Variants in PTPRN2 observed in about 807,000 individuals in gnomAD.
The protein encoded by PTPRN2 is protein tyrosine phosphatase receptor type N2.
PTPRN2 carries 74 observed loss-of-function variants against 118.8 expected under a neutral mutation model. The ratio of observed to expected loss-of-function variants is 0.62; its 90% CI spans 0.52 to 0.76. PTPRN2 has a LOEUF of 0.76. PTPRN2 is among the 30% of genes least tolerant of loss of function. PTPRN2 has a pLI of 0.00. For missense variants in PTPRN2, 1,481 were observed against 1,394.4 expected (o/e 1.06, Z -0.99); for synonymous variants, 641 against 608.0 (o/e 1.05, Z -0.80).
At chr7:158,396,346 C>A (rs1229547257) in intron 2 of PTPRN2, among the ~76,000 whole-genome samples, 1 of 152,140 alleles carries the variant, frequency 6.6e-6, no homozygotes, top group Non-Finnish European at 1.5e-5. Context: ...GGAATCAAAA[C>A]AAAAAGACCT....
chr7:157,891,919 C>A (rs771172632), intron 12 of PTPRN2, among the ~76,000 whole-genome samples: 1 of 152,192 alleles, frequency 6.6e-6, no homozygotes, highest in Non-Finnish European at 1.5e-5. Flanking sequence ...ACCCAGACAG[C>A]CCCCAGTCTG....
intron 21 of PTPRN2, among the ~76,000 whole-genome samples, chr7:157,567,791 CCCACCTT>C (rs1386174830): frequency 6.6e-6 from 1 of 152,156 alleles, no homozygotes; most frequent in Non-Finnish European, 1.5e-5. Context: ...CTCGGTGCCT[CCCACCTT>C]CCATGGGACG....
intron 2 of PTPRN2, among the ~76,000 whole-genome samples, chr7:158,433,744 C>T (rs1816387159): frequency 6.6e-6 from 1 of 151,908 alleles, no homozygotes; most frequent in African/African-American, 2.4e-5. Context: ...CTTCAATTTT[C>T]TGTTCTTTTT....
At chr7:157,728,236 C>T (rs1412502580) in intron 12 of PTPRN2, among the ~76,000 whole-genome samples, 1 of 152,254 alleles carries the variant, frequency 6.6e-6, no homozygotes, top group Non-Finnish European at 1.5e-5. Flanking sequence ...GTGCTTCCTG[C>T]AATCATGCCT....
intron 2 of PTPRN2, among the ~76,000 whole-genome samples, chr7:158,376,529 G>A (rs1362011858): frequency 8.4e-6 from 1 of 118,764 alleles, no homozygotes; most frequent in African/African-American, 3.4e-5. Flanking sequence ...TGAGAGGGGG[G>A]TCAGGGGACT....
intron 11 of PTPRN2, among the ~76,000 whole-genome samples, chr7:157,917,264 C>T (rs896531534): frequency 6.6e-6 from 1 of 152,238 alleles, no homozygotes; most frequent in Admixed American, 6.5e-5. Flanking sequence ...CTGTATGAAG[C>T]GAAGGCACTG....
At chr7:157,943,511 G>C (rs1563261319) in intron 11 of PTPRN2, among the ~76,000 whole-genome samples, 1 of 151,718 alleles carries the variant, frequency 6.6e-6, no homozygotes, top group Non-Finnish European at 1.5e-5. Flanking sequence ...CCCCATCCCT[G>C]CTCCTGGACC....
At chr7:158,119,123 G>GA (rs1816947349) in intron 9 of PTPRN2, among the ~76,000 whole-genome samples, 1 of 152,060 alleles carries the variant, frequency 6.6e-6, no homozygotes, top group Non-Finnish European at 1.5e-5. Context: ...CACTATTTAA[G>GA]AAACCTCATA....
At chr7:158,379,527 G>A (rs1204424793) in intron 2 of PTPRN2, among the ~76,000 whole-genome samples, 20 of 152,270 alleles carry the variant, frequency 1.3e-4, no homozygotes, top group Admixed American at 3.9e-4. Context: ...TGGTACAGAC[G>A]AAAGACAAAA....
Position 157,808,817 on chromosome 7 carries a change from G to T in PTPRN2, c.1788+89856C>A, listed in dbSNP as rs986201910. Among the ~76,000 whole-genome samples the T allele has an allele frequency of 6.6e-6, 1 of 152,140 alleles. No individual in the cohort carries two copies. The highest frequency in any genetic ancestry group is 1.5e-5 in the Non-Finnish European group (1 of 68,028). On this transcript the variant is annotated intron_variant, in intron 12 of 22. Transcript: ENST00000389418. This position sits in a 1 kb window ranked among gnomAD's most constrained non-coding sequence, Gnocchi z 5.0. ...CTGGACAAACCCTGGGCCTGGAATT[G>T]ACCTTGTTGAAAACACTCTTTTGGA... is the stretch of plus-strand genomic sequence containing the variant.
At chr7:157,573,230 G>A (rs540778353) in intron 19 of PTPRN2, among the ~76,000 whole-genome samples, 20 of 152,256 alleles carry the variant, frequency 1.3e-4, no homozygotes, top group African/African-American at 4.3e-4. Context: ...TGTGTGTGAC[G>A]TGAGCACGTA....
chr7:158,053,976 T>TAGAGACGCAGAGACCCC (rs1239776003), intron 11 of PTPRN2, among the ~76,000 whole-genome samples: 18 of 71,724 alleles, frequency 2.5e-4, no homozygotes, highest in African/African-American at 4.8e-4. Flanking sequence ...GCAGAGACCC[T>TAGAGACGCAGAGACCCC]AGAGACGCAG....
At chr7:158,523,399 C>CGTCTGCCCTGG (rs1563392264) in intron 1 of PTPRN2, among the ~76,000 whole-genome samples, 3 of 131,332 alleles carry the variant, frequency 2.3e-5, no homozygotes, top group Admixed American at 7.6e-5. Context: ...GGAGCGGAGT[C>CGTCTGCCCTGG]ATCTGCCCTG....
chr7:157,868,362 G>A lies in PTPRN2; in HGVS notation c.1788+30311C>T, dbSNP rs546456283. Among the ~76,000 whole-genome samples the A allele has an allele frequency of 1.3e-5, 2 of 152,292 alleles. No individual in the cohort carries two copies. Among genetic ancestry groups the A allele is most frequent in the Admixed American group, 6.5e-5 (1 of 15,298 alleles). ...TGTTTCCATCATCTCCACGATGAAC[G>A]TAGGACACCAGGACATTGGATCTCT... is the stretch of plus-strand genomic sequence containing the variant. On this transcript the variant is annotated intron_variant, in intron 12 of 22. Transcript: ENST00000389418. The surrounding 1 kb of genome is among the most constrained non-coding windows in gnomAD (Gnocchi z 5.2).
intron 2 of PTPRN2, among the ~76,000 whole-genome samples, chr7:158,350,866 C>T (rs1008056971): frequency 6.6e-6 from 1 of 152,174 alleles, no homozygotes; most frequent in Non-Finnish European, 1.5e-5. Context: ...CCCTGATTTT[C>T]CAAAAGGGAA....
At chr7:158,276,262 ACTCTG>A in intron 3 of PTPRN2, among the ~76,000 whole-genome samples, 1 of 22,088 alleles carries the variant, frequency 4.5e-5, no homozygotes. Context: ...GCACCCCCAC[ACTCTG>A]GCCCCAACAG....
At chr7:157,950,698 C>T (rs1459991307) in intron 11 of PTPRN2, among the ~76,000 whole-genome samples, 1 of 152,206 alleles carries the variant, frequency 6.6e-6, no homozygotes, top group Non-Finnish European at 1.5e-5. Flanking sequence ...CAGGCTTATC[C>T]TCTACAACTA....
chr7:157,597,318 A>G (rs1253863705), intron 16 of PTPRN2, among the ~76,000 whole-genome samples: 1 of 152,208 alleles, frequency 6.6e-6, no homozygotes, highest in Admixed American at 6.5e-5. Flanking sequence ...GAAAGCCCCA[A>G]TTAGAATGTT....
chr7:157,702,272 A>C (rs1318703921), intron 12 of PTPRN2, among the ~76,000 whole-genome samples: 2 of 149,694 alleles, frequency 1.3e-5, no homozygotes. Context: ...TGGGCTGTGC[A>C]TTTATAAGAA....
Sources: allele counts gnomAD v4.1 joint callset (sites outside exome capture counted in the v4.1 genomes callset), GRCh38; gene constraint gnomAD v4.1.1; non-coding constraint Gnocchi (gnomAD v3.1); transcripts MANE v1.5; gene names NCBI Gene and HGNC (gene_info 2026-07-23, HGNC 2026-07-21).